PCAT7: variants seen among roughly 807,000 people sequenced by gnomAD.
The protein encoded by PCAT7 is prostate cancer associated transcript 7.
At chr9:94,574,570 T>G (rs1827298974) in intron 3 of PCAT7, among the ~76,000 whole-genome samples, 1 of 152,160 alleles carries the variant, frequency 6.6e-6, no homozygotes, top group South Asian at 2.1e-4. Context: ...GTCACAAATA[T>G]TTTCCTCGAT....
chr9:94,562,034 G>A (rs1198239495), intron 2 of PCAT7, among the ~76,000 whole-genome samples: 2 of 152,038 alleles, frequency 1.3e-5, no homozygotes, highest in South Asian at 2.1e-4. Context: ...TGTCTTCGCC[G>A]GGCGCTGTGA....
At chr9:94,559,213 G>C in intron 2 of PCAT7, 1 of 1,291,596 alleles carries the variant, frequency 7.7e-7, no homozygotes, top group Non-Finnish European at 1.1e-6. Flanking sequence ...TGGGGGAGGA[G>C]TTTGTACTGC....
At chr9:94,571,512 G>A in intron 2 of PCAT7, 4 of 1,614,014 alleles carry the variant, frequency 2.5e-6, no homozygotes, top group Non-Finnish European at 3.4e-6. Context: ...AGAGCCACCA[G>A]GGTTGCACTA....
intron 1 of PCAT7, chr9:94,558,719 C>T (rs909911358): frequency 1.1e-4 from 58 of 520,700 alleles, no homozygotes; most frequent in African/African-American, 1.0e-3. Context: ...CAAAGTCGCA[C>T]TTTCCACATG....
At chr9:94,571,340 A>G in intron 2 of PCAT7, 1 of 1,069,754 alleles carries the variant, frequency 9.3e-7, no homozygotes, top group Non-Finnish European at 1.3e-6. Flanking sequence ...CTAGGCTCTC[A>G]GGACCCCTGG....
intron 2 of PCAT7, among the ~76,000 whole-genome samples, chr9:94,571,270 A>C (rs532793208): frequency 6.6e-4 from 101 of 152,260 alleles, no homozygotes; most frequent in Non-Finnish European, 5.9e-5. Flanking sequence ...CCTCCCCCCG[A>C]GTGCCCTCAC....
intron 2 of PCAT7, chr9:94,563,464 AG>A: frequency 6.2e-7 from 1 of 1,612,372 alleles, no homozygotes; most frequent in Non-Finnish European, 8.5e-7. Context: ...CTGCCATCCT[AG>A]AAGACAGAAA....
At chr9:94,567,342 G>T in intron 2 of PCAT7, 2 of 1,614,140 alleles carry the variant, frequency 1.2e-6, no homozygotes, top group Non-Finnish European at 1.7e-6. Context: ...CCTCATTCAG[G>T]CTGTAAATCT....
chr9:94,570,201 G>C (rs1473886247), intron 2 of PCAT7: 2 of 152,180 alleles, frequency 1.3e-5, no homozygotes. Flanking sequence ...CTTTGAATTG[G>C]GTCCCTGAGT....
At chr9:94,573,434 T>C (rs1827288394) in intron 3 of PCAT7, among the ~76,000 whole-genome samples, 1 of 152,178 alleles carries the variant, frequency 6.6e-6, no homozygotes, top group South Asian at 2.1e-4. Flanking sequence ...CCAGCTAATG[T>C]CTTTTTTGAG....
intron 2 of PCAT7, among the ~76,000 whole-genome samples, chr9:94,561,352 A>T (rs1280264834): frequency 0.01 from 552 of 54,872 alleles, 3 homozygotes; most frequent in African/African-American, 0.026. Flanking sequence ...TGTGACCTGT[A>T]TTTTTTTTTT....
At chr9:94,568,409 TA>T (rs1348816003) in intron 2 of PCAT7, 2 of 152,202 alleles carry the variant, frequency 1.3e-5, no homozygotes, top group African/African-American at 2.4e-5. Context: ...GTTCTGGTGA[TA>T]TCAGTCACTA....
At chr9:94,562,259 T>G (rs1029115888) in intron 2 of PCAT7, among the ~76,000 whole-genome samples, 6 of 135,076 alleles carry the variant, frequency 4.4e-5, no homozygotes, top group Non-Finnish European at 9.1e-5. Context: ...GCAGTGAGCC[T>G]AGATGGTGCC....
At chr9:94,556,866 A>G (rs557967270) in intron 1 of PCAT7, among the ~76,000 whole-genome samples, 1 of 152,280 alleles carries the variant, frequency 6.6e-6, no homozygotes, top group African/African-American at 2.4e-5. Flanking sequence ...TGTATATGGT[A>G]AGGTAATGGC....
intron 2 of PCAT7, among the ~76,000 whole-genome samples, chr9:94,566,097 A>G (rs1224886044): frequency 6.6e-6 from 1 of 152,218 alleles, no homozygotes; most frequent in African/African-American, 2.4e-5. Flanking sequence ...GCAATTTTGC[A>G]AGAGTTTTGA....
chr9:94,565,843 T>C (rs1274876062), intron 2 of PCAT7, among the ~76,000 whole-genome samples: 12 of 152,046 alleles, frequency 7.9e-5, no homozygotes, highest in Non-Finnish European at 7.4e-5. Flanking sequence ...GGGATAACTA[T>C]AGATGCTCGT....
intron 2 of PCAT7, chr9:94,569,531 T>C (rs1314553019): frequency 6.6e-6 from 1 of 152,284 alleles, no homozygotes; most frequent in Non-Finnish European, 1.5e-5. Flanking sequence ...GTTGATCCAC[T>C]CCTGGGGCTG....
chr9:94,558,666 G>A lies in PCAT7; in HGVS notation n.258-303G>A, dbSNP rs1827045313. 116 of 396,356 alleles carry A rather than the reference G, an allele frequency of 2.9e-4. 3 individuals carry two copies. Among genetic ancestry groups the A allele is most frequent in the South Asian group, 2.7e-3 (112 of 41,170 alleles). The allele number at this position is 396,356 out of a possible 1,614,324, so 24.6% of individuals were successfully genotyped here. ...CGCCAATTATGTGGGTTGACAGACG[G>A]AATTATAACCATATTTGCCACTGTT... On this transcript the variant is annotated intron_variant and non_coding_transcript_variant, in intron 1 of 8. Coordinates refer to ENST00000647389, the Ensembl canonical transcript of PCAT7.
chr9:94,558,251 CA>C (rs1827036465), intron 1 of PCAT7, among the ~76,000 whole-genome samples: 1 of 152,142 alleles, frequency 6.6e-6, no homozygotes, highest in African/African-American at 2.4e-5. Context: ...GTAATCACTA[CA>C]GGATAAGACA....
Sources: allele counts gnomAD v4.1 joint callset (sites outside exome capture counted in the v4.1 genomes callset), GRCh38; gene constraint gnomAD v4.1.1; transcripts MANE v1.5; gene names NCBI Gene and HGNC (gene_info 2026-07-23, HGNC 2026-07-21).